The following ACYP2 variants were observed in gnomAD, a reference collection of about 807,000 sequenced individuals.
The protein encoded by ACYP2 is acylphosphatase 2.
Under a neutral mutation model 11.2 loss-of-function variants are expected in ACYP2, and 12 were observed. The observed-to-expected ratio is 1.08, with a 90% CI of 0.69 to 1.74. ACYP2 has a LOEUF of 1.74. Among genes scored for constraint, ACYP2 ranks in the 40% most tolerant of loss-of-function variants. The probability of loss-of-function intolerance (pLI) is 0.00; values close to 1 mark genes in which losing one functional copy is unlikely to be tolerated. For synonymous variants in ACYP2, 43 were observed against 32.2 expected, an observed-to-expected ratio of 1.33 and a Z score of -1.13; for missense variants, 134 against 101.9, an observed-to-expected ratio of 1.31 and a Z score of -1.35.
chr2:54,141,540 A>C (rs1050238225), intron 6 of ACYP2, among the ~76,000 whole-genome samples: 3 of 152,170 alleles, frequency 2.0e-5, no homozygotes, highest in Admixed American at 2.0e-4. Flanking sequence ...ATTGAAATAC[A>C]TTTTTGTCAT....
At chr2:54,085,748 G>C (rs1466816195) in intron 4 of ACYP2, among the ~76,000 whole-genome samples, 5 of 152,142 alleles carry the variant, frequency 3.3e-5, no homozygotes, top group African/African-American at 1.2e-4. Context: ...GGTGGGAGGA[G>C]ACAGGCAATG....
At chr2:54,216,224 T>C (rs984468543) in intron 6 of ACYP2, among the ~76,000 whole-genome samples, 1 of 152,236 alleles carries the variant, frequency 6.6e-6, no homozygotes, top group Non-Finnish European at 1.5e-5. Context: ...TTTAGTTCTA[T>C]GATCTATTTC....
intron 2 of ACYP2, among the ~76,000 whole-genome samples, chr2:53,993,485 G>C (rs1672405137): frequency 6.6e-6 from 1 of 150,872 alleles, no homozygotes; most frequent in Admixed American, 6.6e-5. Flanking sequence ...ATCACCTGAG[G>C]TCAGGAGTTC....
intron 6 of ACYP2, chr2:54,255,498 C>T: frequency 1.2e-6 from 2 of 1,614,020 alleles, no homozygotes; most frequent in Non-Finnish European, 1.7e-6. Flanking sequence ...CCCTGTCAGC[C>T]TCTGCATTCA....
chr2:54,154,257 T>C (rs1413102604), intron 6 of ACYP2, among the ~76,000 whole-genome samples: 3 of 152,210 alleles, frequency 2.0e-5, no homozygotes, highest in East Asian at 3.9e-4. Flanking sequence ...GTTTTTCCTT[T>C]CCTATTTGAA....
intron 2 of ACYP2, among the ~76,000 whole-genome samples, chr2:54,025,350 C>A (rs530136021): frequency 6.6e-6 from 1 of 152,142 alleles, no homozygotes; most frequent in Non-Finnish European, 1.5e-5. Context: ...GCTATAGTCA[C>A]CAAAACAGCA....
chr2:54,199,372 C>T (rs1684655628), intron 6 of ACYP2, among the ~76,000 whole-genome samples: 1 of 152,178 alleles, frequency 6.6e-6, no homozygotes, highest in Non-Finnish European at 1.5e-5. Context: ...CATCAGATTT[C>T]ACTTGCCCAA....
At chr2:54,258,998 G>A (rs1036506066) in intron 6 of ACYP2, among the ~76,000 whole-genome samples, 4 of 152,190 alleles carry the variant, frequency 2.6e-5, no homozygotes, top group African/African-American at 7.2e-5. Context: ...CCATTCCCAT[G>A]AGAAGTTATC....
At chr2:54,087,473 G>T (rs7560947) in intron 4 of ACYP2, among the ~76,000 whole-genome samples, 1 of 151,722 alleles carries the variant, frequency 6.6e-6, no homozygotes, top group Non-Finnish European at 1.5e-5. Context: ...CTTAACCTCC[G>T]CAGTAGCTAG....
intron 2 of ACYP2, among the ~76,000 whole-genome samples, chr2:54,040,664 G>A (rs1226732643): frequency 6.6e-6 from 1 of 152,160 alleles, no homozygotes; most frequent in Admixed American, 6.5e-5. Context: ...AAGTGGTTCA[G>A]GAGGAAAGAG....
chr2:54,158,352 AT>A lies in ACYP2; in HGVS notation c.404+19612del, dbSNP rs901349594. 4.7e-5 allele frequency among the ~76,000 whole-genome samples: 7 copies of A among 150,506 alleles called. No homozygotes were observed. The East Asian group carries it at 7.8e-4, about 17-fold the overall frequency. Reference sequence around the variant, plus strand: ...CCACCGTGCCCGGCCTGCTTTTCTTATTTTTTTTCCTCTTTTTGCCCTTATT... The same window carrying A: ...CCACCGTGCCCGGCCTGCTTTTCTTATTTTTTTCCTCTTTTTGCCCTTATT... On this transcript the variant is annotated intron_variant, in intron 6 of 6. Coordinates refer to ENST00000607452, the MANE Select transcript of ACYP2 (RefSeq NM_001320586.2).
intron 6 of ACYP2, among the ~76,000 whole-genome samples, chr2:54,279,723 A>T (rs899466686): frequency 6.6e-6 from 1 of 152,166 alleles, no homozygotes; most frequent in Non-Finnish European, 1.5e-5. Flanking sequence ...TAAAGGCAAA[A>T]TGAATACATG....
chr2:54,228,746 G>T (rs1305763656), intron 6 of ACYP2, among the ~76,000 whole-genome samples: 3 of 151,912 alleles, frequency 2.0e-5, no homozygotes, highest in Admixed American at 2.0e-4. Context: ...GGGAGAGAAA[G>T]AAAAAGTCCA....
At chr2:54,296,790 G>C (rs908132141) in intron 6 of ACYP2, among the ~76,000 whole-genome samples, 8 of 152,140 alleles carry the variant, frequency 5.3e-5, no homozygotes, top group Non-Finnish European at 1.2e-4. Flanking sequence ...CAAATAACCT[G>C]ACTTCTATCA....
intron 4 of ACYP2, among the ~76,000 whole-genome samples, chr2:54,083,316 A>G (rs1677768198): frequency 1.3e-5 from 2 of 152,194 alleles, no homozygotes; most frequent in South Asian, 4.1e-4. Context: ...GACCACAGCA[A>G]TGGCAAGCCA....
At chr2:54,202,231 C>T (rs1205037393) in intron 6 of ACYP2, among the ~76,000 whole-genome samples, 1 of 152,096 alleles carries the variant, frequency 6.6e-6, no homozygotes, top group East Asian at 1.9e-4. Flanking sequence ...GCCTTGGCAT[C>T]CCAAGTAGCT....
At chr2:53,991,628 C>T (rs868168973) in intron 2 of ACYP2, among the ~76,000 whole-genome samples, 1 of 151,970 alleles carries the variant, frequency 6.6e-6, no homozygotes, top group East Asian at 1.9e-4. Flanking sequence ...TGGTGTCGAA[C>T]TCCCGACCTC....
At chr2:54,135,845 TA>T (rs1681198091) in intron 5 of ACYP2, among the ~76,000 whole-genome samples, 1 of 152,202 alleles carries the variant, frequency 6.6e-6, no homozygotes, top group Non-Finnish European at 1.5e-5. Flanking sequence ...TAATGTTGCA[TA>T]ATGAAGTGGT....
rs1473639188 is a variant in ACYP2 at position 54,201,618 on chromosome 2, TTCTTTGTTTCTTTCTTTC to T, written c.404+62876_404+62893del. 3.2e-3 allele frequency among the ~76,000 whole-genome samples: 324 copies of T among 101,972 alleles called. 2 individuals are homozygous for T. The highest frequency in any genetic ancestry group is 0.012 in the African/African-American group (306 of 24,896). 66.9% of individuals were successfully genotyped at this position (101,972 alleles called of 152,430 possible). On this transcript the variant is annotated intron_variant, in intron 6 of 6. Coordinates refer to ENST00000607452, the MANE Select transcript of ACYP2 (RefSeq NM_001320586.2). ...TCTCTTTCTTTCTTTCTTTCTTTCT[TTCTTTGTTTCTTTCTTTC>T]TCTTTCTTTCTTTCTTTCTTTCTTT...
Sources: gnomAD v4.1 joint callset for allele counts (sites outside exome capture counted in the v4.1 genomes callset) on GRCh38, gnomAD v4.1.1 for gene constraint, MANE v1.5 for transcripts, NCBI Gene and HGNC (gene_info 2026-07-23, HGNC 2026-07-21) for gene names.